Variants in XRN2 observed in about 807,000 individuals in gnomAD.
XRN2 encodes the protein DHM1-like protein.
In XRN2, 44 loss-of-function variants were observed where a neutral mutation model predicts 138.5. That is an observed-to-expected ratio of 0.32 (90% CI 0.25 to 0.41). The LOEUF is 0.41. Ranked by LOEUF, XRN2 falls within the 10% of genes least tolerant of loss-of-function variation. The pLI is 1.00. For synonymous variants in XRN2, 354 were observed against 369.4 expected (o/e 0.96, Z 0.48); for missense variants, 937 against 1,169.3 (o/e 0.80, Z 2.90).
At chr20:21,366,091 T>TA (rs1326994508) in intron 26 of XRN2, among the ~76,000 whole-genome samples, 7 of 115,664 alleles carry the variant, frequency 6.1e-5, no homozygotes, top group Non-Finnish European at 1.0e-4. Flanking sequence ...ATAGTTTATA[T>TA]ATATAACATA....
intron 3 of XRN2, among the ~76,000 whole-genome samples, chr20:21,327,356 C>G (rs1165682176): frequency 2.6e-5 from 4 of 152,140 alleles, no homozygotes; most frequent in African/African-American, 9.7e-5. Flanking sequence ...AGATATAACT[C>G]TAAATTTATT....
At chr20:21,381,894 T>C (rs1417302182) in intron 27 of XRN2, 100 bp from the exon 28 acceptor site, 1 of 947,776 alleles carries the variant, frequency 1.1e-6, no homozygotes, top group East Asian at 2.9e-5. Flanking sequence ...TTACAGTCTT[T>C]CTCAGATTTT....
At chr20:21,364,624 T>C (rs2038673911) in intron 24 of XRN2, among the ~76,000 whole-genome samples, 1 of 152,082 alleles carries the variant, frequency 6.6e-6, no homozygotes, top group Admixed American at 6.6e-5. Context: ...CTGGGCCATG[T>C]GGGGAAACCC....
chr20:21,373,149 A>G (rs1227379384), intron 27 of XRN2, among the ~76,000 whole-genome samples: 1 of 152,106 alleles, frequency 6.6e-6, no homozygotes, highest in Non-Finnish European at 1.5e-5. Flanking sequence ...AGCTGGGATT[A>G]CAGGCATGTG....
chr20:21,360,157 C>T (rs1266810756), intron 24 of XRN2, among the ~76,000 whole-genome samples: 2 of 152,122 alleles, frequency 1.3e-5, no homozygotes, highest in African/African-American at 4.8e-5. Flanking sequence ...GTTTTCCTCC[C>T]AGTCTGTCAT....
chr20:21,340,605 T>G, intron 14 of XRN2, 116 bp from the exon 15 acceptor site: 276 of 1,161,980 alleles, frequency 2.4e-4, no homozygotes, highest in Non-Finnish European at 3.1e-4. Context: ...GGTTTTTTAG[T>G]GAGTTTTGTA....
At chr20:21,334,656 A>G (rs1424007317) in intron 13 of XRN2, among the ~76,000 whole-genome samples, 1 of 152,154 alleles carries the variant, frequency 6.6e-6, no homozygotes. Context: ...GAAACACAAG[A>G]AGGAAATAAA....
chr20:21,331,791 A>G lies in XRN2; in HGVS notation c.673A>G (p.Thr225Ala), dbSNP rs2038213303. Residue 225 changes from threonine (T) to alanine (A), a missense_variant, in exon 8 of 30, where the codon ACT becomes GCT. Thr to Ala is a moderately conservative substitution (Grantham distance 58). Coordinates refer to ENST00000377191, the MANE Select transcript of XRN2 (RefSeq NM_012255.5). Reference sequence around the variant, plus strand: ...AGCCCAGCCTAACCATGACCCAAATACTCATCATTGTTTATGTGGAGCAGA... The same window carrying G: ...AGCCCAGCCTAACCATGACCCAAATGCTCATCATTGTTTATGTGGAGCAGA... ...QRAQPNHDPN[T>A]HHCLCGADAD... 1.2e-6 allele frequency: 2 copies of G among 1,610,006 alleles called. No homozygotes were observed. The highest frequency in any genetic ancestry group is 1.7e-6 in the Non-Finnish European group (2 of 1,179,028).
At chr20:21,319,697 A>G (rs1269354923) in intron 1 of XRN2, among the ~76,000 whole-genome samples, 1 of 152,102 alleles carries the variant, frequency 6.6e-6, no homozygotes, top group Non-Finnish European at 1.5e-5. Flanking sequence ...ACTGCTATAT[A>G]GTTCAGTTCC....
chr20:21,349,324 T>C, intron 19 of XRN2, 65 bp from the exon 20 acceptor site: 1 of 1,100,544 alleles, frequency 9.1e-7, no homozygotes, highest in Non-Finnish European at 1.4e-6. Context: ...GAAAGTCATA[T>C]CAAATTCTTT....
At chr20:21,368,671 A>G in intron 27 of XRN2, 81 bp downstream of exon 27, 3 of 1,564,852 alleles carry the variant, frequency 1.9e-6, no homozygotes, top group Non-Finnish European at 2.6e-6. Flanking sequence ...CTTTGCTGAA[A>G]AAGATTTGTT....
chr20:21,308,785 T>A (rs1327952454), intron 1 of XRN2, among the ~76,000 whole-genome samples: 2 of 152,242 alleles, frequency 1.3e-5, no homozygotes, highest in Non-Finnish European at 2.9e-5. Flanking sequence ...TTTTACTTCT[T>A]AACAGTGTCT....
intron 17 of XRN2, 82 bp from the exon 18 acceptor site, chr20:21,348,043 AAGTAGAATATTATAGGTTAAC>A: frequency 1.1e-6 from 1 of 919,644 alleles, no homozygotes; most frequent in Non-Finnish European, 1.6e-6. Flanking sequence ...TGTGTTTTAT[AAGTAGAATATTATAGGTTAAC>A]AGTCTAATTT....
intron 8 of XRN2, 40 bp downstream of exon 8, chr20:21,331,858 C>A: frequency 6.2e-7 from 1 of 1,602,712 alleles, no homozygotes; most frequent in Non-Finnish European, 8.5e-7. Flanking sequence ...TTGGATTAAA[C>A]CATAGCAAGT....
intron 27 of XRN2, among the ~76,000 whole-genome samples, chr20:21,378,273 C>T (rs2038847599): frequency 6.6e-6 from 1 of 152,148 alleles, no homozygotes; most frequent in Non-Finnish European, 1.5e-5. Context: ...GTTAAACCCC[C>T]CATCCAGTCT....
rs2038168545 is a variant in XRN2, at chr20:21,329,170, G to A, written c.427+500G>A. ...AGTCATTTGCATACTTTCAATATAG[G>A]TTGATGGAGCAGGCACAGTACTTAT... On this transcript the variant is annotated intron_variant, in intron 4 of 29. Transcript: ENST00000377191. 2.0e-5 allele frequency among the ~76,000 whole-genome samples: 3 copies of A among 152,146 alleles called. No individual in the cohort carries two copies. The South Asian group carries it at 6.2e-4, about 32-fold the overall frequency.
rs151081015 is a variant in XRN2 at position 21,359,468 on chromosome 20, C to T, written c.2255+1676C>T. Among the ~76,000 whole-genome samples, 582 of 150,528 alleles carry T rather than the reference C, an allele frequency of 3.9e-3. 5 individuals are homozygous for T. The highest frequency in any genetic ancestry group is 0.014 in the African/African-American group (559 of 40,856). On this transcript the variant is annotated intron_variant, in intron 24 of 29. Transcript: ENST00000377191. ...AGAGAACCGCTTGAACCCAGGAGGC[C>T]GAGGCCTCAGTGAGCCAAGATCACA...
intron 13 of XRN2, among the ~76,000 whole-genome samples, chr20:21,336,430 C>T (rs2038294835): frequency 6.6e-6 from 1 of 152,092 alleles, no homozygotes; most frequent in African/African-American, 2.4e-5. Flanking sequence ...CTACTGCACT[C>T]CAGCCAGGGC....
At chr20:21,316,624 A>C (rs1026972394) in intron 1 of XRN2, among the ~76,000 whole-genome samples, 1 of 152,152 alleles carries the variant, frequency 6.6e-6, no homozygotes, top group African/African-American at 2.4e-5. Flanking sequence ...TCTGGACTCA[A>C]TTCCATTCCA....
Sources: gnomAD v4.1 joint callset for allele counts (sites outside exome capture counted in the v4.1 genomes callset) on GRCh38, gnomAD v4.1.1 for gene constraint, MANE v1.5 for transcripts, NCBI Gene and HGNC (gene_info 2026-07-23, HGNC 2026-07-21) for gene names.